Variants in CSGALNACT1 observed in about 807,000 individuals in gnomAD.
The protein encoded by CSGALNACT1 is beta4GalNAcT-1.
In CSGALNACT1, 52 loss-of-function variants were observed where a neutral mutation model predicts 51.0. The observed-to-expected ratio is 1.02, with a 90% CI of 0.82 to 1.29. The LOEUF (loss-of-function observed/expected upper bound fraction) is 1.29, where lower values mean the gene tolerates loss of function less well. CSGALNACT1 is among the 50% of genes most tolerant of loss of function. The pLI is 0.00. For missense variants in CSGALNACT1, 935 were observed against 679.2 expected (o/e 1.38, Z -4.19); for synonymous variants, 341 against 254.4 (o/e 1.34, Z -3.24).
At chr8:19,437,165 T>C (rs2060509628) in intron 6 of CSGALNACT1, among the ~76,000 whole-genome samples, 2 of 151,920 alleles carry the variant, frequency 1.3e-5, no homozygotes, top group African/African-American at 2.4e-5. Flanking sequence ...GTGAGTATAG[T>C]TGGAATTCAG....
intron 4 of CSGALNACT1, among the ~76,000 whole-genome samples, chr8:19,487,569 A>C (rs1008994655): frequency 3.3e-5 from 5 of 152,212 alleles, no homozygotes; most frequent in Non-Finnish European, 5.9e-5. Context: ...AAGATTCTGG[A>C]GAAGAAAAAT....
intron 6 of CSGALNACT1, among the ~76,000 whole-genome samples, chr8:19,426,653 C>G (rs1484857851): frequency 6.6e-6 from 1 of 152,042 alleles, no homozygotes; most frequent in Non-Finnish European, 1.5e-5. Flanking sequence ...CTTCCATTTC[C>G]CAGTCAATTC....
At chr8:19,521,815 G>T (rs185935889) in intron 3 of CSGALNACT1, among the ~76,000 whole-genome samples, 1 of 152,326 alleles carries the variant, frequency 6.6e-6, no homozygotes, top group Non-Finnish European at 1.5e-5. Flanking sequence ...TCTGCCTGCA[G>T]GAATGGAAGA....
intron 3 of CSGALNACT1, among the ~76,000 whole-genome samples, chr8:19,556,456 G>A (rs2039454796): frequency 1.3e-5 from 2 of 152,164 alleles, no homozygotes; most frequent in South Asian, 4.2e-4. Context: ...TATTTTAAAG[G>A]GGGAAATAAT....
chr8:19,547,597 C>T (rs1308575200), intron 3 of CSGALNACT1, among the ~76,000 whole-genome samples: 1 of 152,146 alleles, frequency 6.6e-6, no homozygotes, highest in African/African-American at 2.4e-5. Flanking sequence ...GATTGTGAGG[C>T]CTCCCAGCCA....
rs967813881 is a variant in CSGALNACT1 at position 19,691,073 on chromosome 8, C to A, written c.-297+66777G>T. ...CACCACTGCACTCAAGCTTGGACAA[C>A]AGAGTGAGACCTAGTCTCAAAGAAA... On this transcript the variant is annotated intron_variant, in intron 1 of 1. Transcript: ENST00000517494. Among the ~76,000 whole-genome samples, 66 of 152,162 alleles carry A rather than the reference C, an allele frequency of 4.3e-4. 1 individual carries two copies. The highest frequency in any genetic ancestry group is 6.2e-4 in the South Asian group (3 of 4,826).
Position 19,565,853 on chromosome 8 carries a change from G to A in CSGALNACT1, c.-297+25307C>T, listed in dbSNP as rs531048898. 3.3e-5 allele frequency among the ~76,000 whole-genome samples: 5 copies of A among 152,336 alleles called. No homozygotes were observed. The South Asian group carries it at 8.3e-4, about 25-fold the overall frequency. On this transcript the variant is annotated intron_variant, in intron 3 of 9. Coordinates refer to ENST00000454498, the Ensembl canonical transcript of CSGALNACT1. Reference sequence around the variant, plus strand: ...TTGAACCCAGGAGGCAGAGGTTGCAGTGAGCCGAGATCGTGCCACTGCACT... The same window carrying A: ...TTGAACCCAGGAGGCAGAGGTTGCAATGAGCCGAGATCGTGCCACTGCACT...
At chr8:19,426,223 G>C (rs988213027) in intron 6 of CSGALNACT1, among the ~76,000 whole-genome samples, 5 of 152,294 alleles carry the variant, frequency 3.3e-5, no homozygotes, top group African/African-American at 7.2e-5. Flanking sequence ...GCATGGAGAT[G>C]CCTCCCTGCC....
intron 3 of CSGALNACT1, among the ~76,000 whole-genome samples, chr8:19,586,117 C>T (rs1424406846): frequency 6.6e-6 from 1 of 152,084 alleles, no homozygotes; most frequent in African/African-American, 2.4e-5. Context: ...AATCCCAGCA[C>T]TTTGGGAGGG....
At chr8:19,457,998 A>G (rs1008457904) in intron 5 of CSGALNACT1, among the ~76,000 whole-genome samples, 1 of 152,190 alleles carries the variant, frequency 6.6e-6, no homozygotes, top group African/African-American at 2.4e-5. Flanking sequence ...GCCTAGAGCC[A>G]ATCAAGAACA....
intron 9 of CSGALNACT1, among the ~76,000 whole-genome samples, chr8:19,407,952 T>C (rs1009681363): frequency 6.8e-6 from 1 of 148,122 alleles, no homozygotes; most frequent in Non-Finnish European, 1.5e-5. Context: ...TGTGTGTGTA[T>C]TGGCAGCAAC....
rs1290256353 is a variant in CSGALNACT1 at position 19,428,727 on chromosome 8, T to C, written c.954-8209A>G. 2.0e-5 allele frequency among the ~76,000 whole-genome samples: 3 copies of C among 152,072 alleles called. No individual in the cohort carries two copies. The East Asian group carries it at 5.8e-4, about 29-fold the overall frequency. On this transcript the variant is annotated intron_variant, in intron 6 of 9. Transcript: ENST00000454498. ...ACTACTATACAGCAGCACGTTCAAT[T>C]TGGTTCCACAGAGGGAAAGTATGCC...
chr8:19,467,142 C>T (rs1234292802), intron 4 of CSGALNACT1, among the ~76,000 whole-genome samples: 10 of 96,482 alleles, frequency 1.0e-4, no homozygotes, highest in African/African-American at 2.9e-4. Flanking sequence ...TTTTTTGAGA[C>T]GGAGTCTCAC....
chr8:19,694,364 C>G (rs1482229631), intron 1 of CSGALNACT1, among the ~76,000 whole-genome samples: 1 of 152,354 alleles, frequency 6.6e-6, no homozygotes, highest in Middle Eastern at 3.4e-3. Flanking sequence ...GATTTACCCT[C>G]ATTTCAAGTC....
intron 1 of CSGALNACT1, among the ~76,000 whole-genome samples, chr8:19,746,389 A>G (rs2064665653): frequency 6.6e-6 from 1 of 152,144 alleles, no homozygotes; most frequent in African/African-American, 2.4e-5. Flanking sequence ...CTATCTGCCT[A>G]TTGGCCATGG....
chr8:19,741,384 G>A (rs2064303192), intron 1 of CSGALNACT1, among the ~76,000 whole-genome samples: 1 of 152,052 alleles, frequency 6.6e-6, no homozygotes, highest in African/African-American at 2.4e-5. Flanking sequence ...CCAAGATGGT[G>A]AAATCCCGTC....
chr8:19,449,937 C>G (rs562716738), intron 5 of CSGALNACT1, among the ~76,000 whole-genome samples: 1 of 151,274 alleles, frequency 6.6e-6, no homozygotes, highest in Middle Eastern at 3.4e-3. Flanking sequence ...TTCCTGCTAT[C>G]ACAAACAAAA....
At chr8:19,665,076 T>A (rs1233735677) in intron 1 of CSGALNACT1, among the ~76,000 whole-genome samples, 1 of 152,178 alleles carries the variant, frequency 6.6e-6, no homozygotes, top group African/African-American at 2.4e-5. Context: ...TGCACTGAGA[T>A]GACCTTGGCT....
chr8:19,517,700 A>G (rs2079840354), intron 3 of CSGALNACT1, among the ~76,000 whole-genome samples: 1 of 152,190 alleles, frequency 6.6e-6, no homozygotes, highest in South Asian at 2.1e-4. Context: ...AGCCAAGCCA[A>G]AGGGGTTTCC....
Sources: gnomAD v4.1 joint callset for allele counts (sites outside exome capture counted in the v4.1 genomes callset) on GRCh38, gnomAD v4.1.1 for gene constraint, MANE v1.5 for transcripts, NCBI Gene and HGNC (gene_info 2026-07-23, HGNC 2026-07-21) for gene names.